Variants in PDPR observed in about 807,000 individuals in gnomAD.
PDPR encodes pyruvate dehydrogenase phosphatase regulatory subunit, also known as pyruvate dehydrogenase phosphatase regulatory subunit, mitochondrial.
Under a neutral mutation model 102.2 loss-of-function variants are expected in PDPR, and 50 were observed. That is an observed-to-expected ratio of 0.49 (90% CI 0.39 to 0.62). The LOEUF is 0.62. PDPR is among the 20% of genes least tolerant of loss of function. The pLI is 0.00. For missense variants in PDPR, 625 were observed against 1,098.2 expected (o/e 0.57, Z 6.09); for synonymous variants, 259 against 406.0 (o/e 0.64, Z 4.35).
At chr16:70,125,126 C>T (rs1963788779) in intron 3 of PDPR, among the ~76,000 whole-genome samples, 1 of 152,204 alleles carries the variant, frequency 6.6e-6, no homozygotes, top group African/African-American at 2.4e-5. Flanking sequence ...CCGGTAATCC[C>T]AGCACTTTGG....
At position 70,138,374 on chromosome 16, in the gene PDPR, A is replaced by G. The variant is rs1420118973; in HGVS notation, c.1191-525A>G. Reference sequence around the variant, plus strand: ...GCTGGGATTACAGGCGTGTGCCACCACACTGGCTAATTTTGTATTTTTAAT... The same window carrying G: ...GCTGGGATTACAGGCGTGTGCCACCGCACTGGCTAATTTTGTATTTTTAAT... On this transcript the variant is annotated intron_variant, in intron 10 of 18. Transcript: ENST00000288050. 1.6e-4 allele frequency among the ~76,000 whole-genome samples: 24 copies of G among 152,238 alleles called. 1 individual carries two copies. Among genetic ancestry groups the G allele is most frequent in the African/African-American group, 5.8e-4 (24 of 41,554 alleles).
chr16:70,125,303 G>A (rs1296068423), intron 3 of PDPR, among the ~76,000 whole-genome samples: 3 of 152,244 alleles, frequency 2.0e-5, no homozygotes, highest in Non-Finnish European at 4.4e-5. Context: ...TTGAACCTGG[G>A]AGGTGGAGGT....
chr16:70,127,797 C>T (rs1294599652), intron 4 of PDPR, among the ~76,000 whole-genome samples: 4 of 152,278 alleles, frequency 2.6e-5, no homozygotes, highest in Admixed American at 6.5e-5. Flanking sequence ...TTACAGACAA[C>T]AGGAATTGGC....
At chr16:70,131,033 T>C (rs1337468333) in intron 7 of PDPR, among the ~76,000 whole-genome samples, 1 of 152,258 alleles carries the variant, frequency 6.6e-6, no homozygotes, top group Non-Finnish European at 1.5e-5. Context: ...GCCCAGGCGT[T>C]TTATCAAAAG....
chr16:70,141,059 A>T (rs1319934370), intron 11 of PDPR, among the ~76,000 whole-genome samples: 1 of 150,634 alleles, frequency 6.6e-6, no homozygotes, highest in Non-Finnish European at 1.5e-5. Flanking sequence ...AGGGAAATGA[A>T]TTTTTTTTTT....
rs1335833792 is a variant in PDPR at position 70,162,371 on chromosome 16, TC to T, written c.*5493del. ...AGGCACTTCAGTAAGTGGGATCTTT[TC>T]TAGAGATCCTGGGTGACTTTGGGTG... On this transcript the variant is annotated 3_prime_UTR_variant, in exon 19 of 19. Coordinates refer to ENST00000288050, the MANE Select transcript of PDPR (RefSeq NM_017990.5). 3.9e-5 allele frequency: 6 copies of T among 152,594 alleles called. No homozygotes were observed. The highest frequency in any genetic ancestry group is 1.4e-4 in the African/African-American group (6 of 41,472). 9.5% of individuals were successfully genotyped at this position (152,594 alleles called of 1,614,324 possible).
intron 1 of PDPR, 137 bp from the exon 2 acceptor site, chr16:70,114,684 G>T (rs1394641478): frequency 6.6e-6 from 1 of 152,328 alleles, no homozygotes; most frequent in African/African-American, 2.4e-5. Context: ...CGTGCGCACC[G>T]CTCCTCCAGG....
intron 17 of PDPR, among the ~76,000 whole-genome samples, chr16:70,151,539 A>G (rs1411956926): frequency 6.6e-6 from 1 of 152,298 alleles, no homozygotes; most frequent in Non-Finnish European, 1.5e-5. Context: ...TGCAGCTGCC[A>G]TGGTTGGCCT....
intron 9 of PDPR, among the ~76,000 whole-genome samples, chr16:70,134,317 CT>C (rs1964870200): frequency 2.0e-5 from 3 of 152,072 alleles, no homozygotes. Flanking sequence ...CCTCCGCCTC[CT>C]GGATTCAAGC....
At chr16:70,146,332 G>A in intron 16 of PDPR, 104 bp downstream of exon 16, 1 of 1,571,284 alleles carries the variant, frequency 6.4e-7, no homozygotes, top group Non-Finnish European at 8.7e-7. Context: ...CACAAAGAGT[G>A]TCTTGGCTGG....
chr16:70,157,002 C>A lies in PDPR; in HGVS notation c.*123C>A. 7.2e-7 allele frequency: 1 copy of A among 1,386,592 alleles called. No homozygotes were observed. The highest frequency in any genetic ancestry group is 1.0e-6 in the Non-Finnish European group (1 of 1,002,484). The allele number at this position is 1,386,592 out of a possible 1,614,324, so 85.9% of individuals were successfully genotyped here. On this transcript the variant is annotated 3_prime_UTR_variant, in exon 19 of 19. Transcript: ENST00000288050. The stretch of plus-strand genomic sequence containing the variant: ...GCCTTTGCCTCCCATCTCTTATCTC[C>A]TTGATATAATTTTGAACTTGACCTA...
intron 18 of PDPR, among the ~76,000 whole-genome samples, chr16:70,153,977 A>G (rs1966865427): frequency 6.6e-6 from 1 of 152,190 alleles, no homozygotes; most frequent in South Asian, 2.1e-4. Context: ...CAGGAGATCG[A>G]GATCATCCTA....
chr16:70,145,276 T>G lies in PDPR; in HGVS notation c.1867+743T>G, dbSNP rs542462196. On this transcript the variant is annotated intron_variant, in intron 15 of 18. Transcript: ENST00000288050. ...CCTCAGCCTCCCAAGTAGCTGGGAT[T>G]ATAGGCGCCCGCCACCACGCCGGGC... 2.0e-5 allele frequency among the ~76,000 whole-genome samples: 3 copies of G among 152,346 alleles called. No homozygotes were observed. In the East Asian group the frequency reaches 5.8e-4, roughly 29 times the overall value.
chr16:70,117,434 C>T (rs998336497), intron 2 of PDPR, among the ~76,000 whole-genome samples: 30 of 151,144 alleles, frequency 2.0e-4, no homozygotes, highest in Non-Finnish European at 3.8e-4. Flanking sequence ...AGGAGAATGG[C>T]ATCAACCCAG....
rs760815187 is a variant in PDPR at position 70,138,917 on chromosome 16, G to A, written c.1209G>A (p.Met403Ile). ...GGAGKYLAEW[M>I]VHGYPSENVW... ...TATATAGGTACCTTGCCGAATGGAT[G>A]GTACATGGTTATCCCTCAGAAAACG... is the stretch of plus-strand genomic sequence containing the variant. The change falls in exon 11 of 19, where the codon ATG becomes ATA. Residue 403 changes from methionine (M) to isoleucine (I), a missense_variant. Met to Ile is a conservative substitution (Grantham distance 10). Around this residue, in one of 11 missense-constraint regions of PDPR, gnomAD observed 10 missense variants for 80.4 expected, o/e 0.12. Coordinates refer to ENST00000288050, the MANE Select transcript of PDPR (RefSeq NM_017990.5). The A allele has an allele frequency of 6.2e-7, 1 of 1,613,020 alleles. No individual in the cohort carries two copies. Among genetic ancestry groups the A allele is most frequent in the South Asian group, 1.1e-5 (1 of 90,894 alleles).
intron 11 of PDPR, among the ~76,000 whole-genome samples, chr16:70,139,441 A>AC: frequency 6.6e-6 from 1 of 152,190 alleles, no homozygotes. Context: ...CTCACTCCCC[A>AC]CTTAGTTTTT....
intron 2 of PDPR, among the ~76,000 whole-genome samples, chr16:70,119,042 G>A (rs1962941280): frequency 1.3e-5 from 2 of 152,106 alleles, no homozygotes; most frequent in Admixed American, 1.3e-4. Context: ...CTTGTCTACC[G>A]CCTCTCGTCT....
intron 11 of PDPR, among the ~76,000 whole-genome samples, chr16:70,141,960 C>T (rs894274414): frequency 6.6e-6 from 1 of 152,244 alleles, no homozygotes; most frequent in Admixed American, 6.5e-5. Flanking sequence ...ATTAGTGTGG[C>T]ACGGTGACAC....
chr16:70,161,262 C>CA lies in PDPR; in HGVS notation c.*4384dup. The CA allele has an allele frequency of 7.5e-6, 1 of 133,676 alleles. No homozygotes were observed. Among genetic ancestry groups the CA allele is most frequent in the East Asian group, 2.2e-4 (1 of 4,504 alleles). 8.3% of individuals were successfully genotyped at this position (133,676 alleles called of 1,614,324 possible). Reference sequence around the variant, plus strand: ...CACCACTGCACTCCAGCCTGGGTAACAGAGTGAGACTCTTGTCTCAAAAAA... The same window carrying CA: ...CACCACTGCACTCCAGCCTGGGTAACAAGAGTGAGACTCTTGTCTCAAAAAA... On this transcript the variant is annotated 3_prime_UTR_variant, in exon 19 of 19. Transcript: ENST00000288050.
Sources: gnomAD v4.1 joint callset for allele counts (sites outside exome capture counted in the v4.1 genomes callset) on GRCh38, gnomAD v4.1.1 for gene constraint, gnomAD v4.1.1 regional missense constraint, MANE v1.5 for transcripts, NCBI Gene and HGNC (gene_info 2026-07-23, HGNC 2026-07-21) for gene names.